LAMTOR2: variants seen among roughly 807,000 people sequenced by gnomAD.
LAMTOR2 encodes the protein late endosomal/lysosomal adaptor, MAPK and MTOR activator 2.
Under a neutral mutation model 15.8 loss-of-function variants are expected in LAMTOR2, and 4 were observed. The ratio of observed to expected loss-of-function variants is 0.25; its 90% CI spans 0.12 to 0.58. The LOEUF is 0.58. Among genes scored for constraint, LAMTOR2 ranks in the 20% least tolerant of loss-of-function variants. The pLI is 0.91. For synonymous variants in LAMTOR2, 62 were observed against 64.1 expected (o/e 0.97, Z 0.15); for missense variants, 100 against 161.0 (o/e 0.62, Z 2.05).
rs906584179 is a variant in LAMTOR2, at chr1:156,055,067, G to A, written c.68+110G>A. On this transcript the variant is annotated intron_variant, in intron 1 of 3. Transcript: ENST00000368305. This position sits in a 1 kb window ranked among gnomAD's most constrained non-coding sequence, Gnocchi z 4.8. ...CAGGAAGGGAGGAAGCGGCAGAGGG[G>A]GCAGCGGCTGGGGATACCGGCCGGG... 13 of 1,400,876 alleles carry A rather than the reference G, an allele frequency of 9.3e-6. No homozygotes were observed. The African/African-American group carries it at 1.6e-4, about 17-fold the overall frequency. The allele number at this position is 1,400,876 out of a possible 1,614,324, so 86.8% of individuals were successfully genotyped here.
chr1:156,056,346 G>A (rs1558094407), intron 2 of LAMTOR2, among the ~76,000 whole-genome samples: 1 of 152,180 alleles, frequency 6.6e-6, no homozygotes, highest in East Asian at 1.9e-4. Context: ...ATTAGGTATT[G>A]AAAATGCAAT....
At chr1:156,056,304 A>C (rs2102764556) in intron 2 of LAMTOR2, among the ~76,000 whole-genome samples, 1 of 152,294 alleles carries the variant, frequency 6.6e-6, no homozygotes, top group East Asian at 1.9e-4. Flanking sequence ...GCCTGGCCAC[A>C]TTTTTTAAAA....
At chr1:156,056,693 G>A (rs544468230) in intron 2 of LAMTOR2, among the ~76,000 whole-genome samples, 22 of 152,168 alleles carry the variant, frequency 1.4e-4, no homozygotes, top group Non-Finnish European at 3.1e-4. Flanking sequence ...ACTTACTTTT[G>A]TTTTTTTCAA....
At position 156,058,007 on chromosome 1, in the gene LAMTOR2, C is replaced by T. The variant is rs780508780; in HGVS notation, c.261C>T (p.Ala87=). Residue 87 remains alanine (A), a synonymous_variant, in exon 3 of 4, where the codon GCC becomes GCT. Coordinates refer to ENST00000368305, the MANE Select transcript of LAMTOR2 (RefSeq NM_014017.4). The stretch of plus-strand genomic sequence containing the variant: ...GCCGTGTAGCCATCACCCGAGTGGC[C>T]AACCTTCTGCTGTGTATGTATGCCA... ...MEGRVAITRV[A]NLLLCMYAKE... 1.9e-6 allele frequency: 3 copies of T among 1,614,136 alleles called. No individual in the cohort carries two copies. The East Asian group carries it at 6.7e-5, about 36-fold the overall frequency.
Position 156,054,846 on chromosome 1 carries a change from C to A in LAMTOR2, c.-44C>A. 6.2e-7 allele frequency: 1 copy of A among 1,602,582 alleles called. No individual in the cohort carries two copies. Among genetic ancestry groups the A allele is most frequent in the Non-Finnish European group, 8.5e-7 (1 of 1,172,496 alleles). On this transcript the variant is annotated 5_prime_UTR_variant, in exon 1 of 4. Coordinates refer to ENST00000368305, the MANE Select transcript of LAMTOR2 (RefSeq NM_014017.4). ...GCGGGCAGCGGCCCGCGGGAGGCACCTCGGAGATCTGGGTGCAAAAGCCCA... is the reference window on the plus strand; with the variant it reads ...GCGGGCAGCGGCCCGCGGGAGGCACATCGGAGATCTGGGTGCAAAAGCCCA...
chr1:156,055,056 G>C lies in LAMTOR2; in HGVS notation c.68+99G>C. ...GGAAGGATCACCAGGAAGGGAGGAA[G>C]CGGCAGAGGGGGCAGCGGCTGGGGA... On this transcript the variant is annotated intron_variant, in intron 1 of 3. Transcript: ENST00000368305. The surrounding 1 kb of genome is among the most constrained non-coding windows in gnomAD (Gnocchi z 4.8). 2 of 1,434,868 alleles carry C rather than the reference G, an allele frequency of 1.4e-6. No homozygotes were observed. The highest frequency in any genetic ancestry group is 2.4e-4 in the Middle Eastern group (1 of 4,198). The allele number at this position is 1,434,868 out of a possible 1,614,324, so 88.9% of individuals were successfully genotyped here.
Position 156,055,206 on chromosome 1 carries a change from C to T in LAMTOR2, c.69-57C>T. 1 of 1,606,404 alleles carries T rather than the reference C, an allele frequency of 6.2e-7. No individual in the cohort carries two copies. The highest frequency in any genetic ancestry group is 8.5e-7 in the Non-Finnish European group (1 of 1,176,836). On this transcript the variant is annotated intron_variant, in intron 1 of 3. Transcript: ENST00000368305. The surrounding 1 kb of genome is among the most constrained non-coding windows in gnomAD (Gnocchi z 4.8). ...CCTTGGTGGGACTTGGGATGGAAACCCAGACGTTTTACTCCCCGCTCTGAG... is the reference window on the plus strand; with the variant it reads ...CCTTGGTGGGACTTGGGATGGAAACTCAGACGTTTTACTCCCCGCTCTGAG...
At position 156,055,794 on chromosome 1, in the gene LAMTOR2, A is replaced by AC; in HGVS notation, c.231+370dup. 1 of 301,692 alleles carries AC rather than the reference A, an allele frequency of 3.3e-6. No individual in the cohort carries two copies. The highest frequency in any genetic ancestry group is 6.5e-6 in the Non-Finnish European group (1 of 153,966). The allele number at this position is 301,692 out of a possible 1,614,324, so 18.7% of individuals were successfully genotyped here. ...AGGTCAGATGAAATAATGGGTATAA[A>AC]CAGTAGAATGACGTGCAAACACAAA... On this transcript the variant is annotated intron_variant, in intron 2 of 3. Transcript: ENST00000368305. This position sits in a 1 kb window ranked among gnomAD's most constrained non-coding sequence, Gnocchi z 4.8.
Position 156,055,182 on chromosome 1 carries a change from C to G in LAMTOR2, c.69-81C>G. 6.3e-7 allele frequency: 1 copy of G among 1,579,024 alleles called. No homozygotes were observed. The highest frequency in any genetic ancestry group is 2.2e-5 in the East Asian group (1 of 44,678). The stretch of plus-strand genomic sequence containing the variant: ...AGGCCAGAGCCTTGCTGGATGTGCC[C>G]TTGGTGGGACTTGGGATGGAAACCC... On this transcript the variant is annotated intron_variant, in intron 1 of 3. Coordinates refer to ENST00000368305, the MANE Select transcript of LAMTOR2 (RefSeq NM_014017.4). The surrounding 1 kb of genome is among the most constrained non-coding windows in gnomAD (Gnocchi z 4.8).
At position 156,054,915 on chromosome 1, in the gene LAMTOR2, A is replaced by T; in HGVS notation, c.26A>T (p.Gln9Leu). Residue 9 changes from glutamine to leucine, a missense_variant, in exon 1 of 4, where the codon CAG (glutamine) becomes CTG (leucine). Gln to Leu is a moderately radical substitution (Grantham distance 113, BLOSUM62 -2). Transcript: ENST00000368305. MLRPKALT[Q>L]VLSQANTGGV... is the part of the protein sequence containing the mutation. ...ATGCTGCGCCCCAAGGCTTTGACCC[A>T]GGTGCTAAGCCAAGCCAACACTGGA... is the stretch of plus-strand genomic sequence containing the variant. 1 of 1,613,034 alleles carries T rather than the reference A, an allele frequency of 6.2e-7. No homozygotes were observed. The highest frequency in any genetic ancestry group is 8.5e-7 in the Non-Finnish European group (1 of 1,179,842).
chr1:156,054,954 C>T lies in LAMTOR2; in HGVS notation c.65C>T (p.Thr22Ile), dbSNP rs751699653. Residue 22 changes from threonine to isoleucine, a missense_variant, in exon 1 of 4, where the codon ACC becomes ATC. Coordinates refer to ENST00000368305, the MANE Select transcript of LAMTOR2 (RefSeq NM_014017.4). ...GCCAACACTGGAGGCGTCCAGAGCA[C>T]CCTGTGAGTGCAGACCACGGACCCG... Reference protein sequence around the residue: ...SQANTGGVQSTLLLNNEGSLL... With the variant: ...SQANTGGVQSILLLNNEGSLL... 3 of 1,612,032 alleles carry T rather than the reference C, an allele frequency of 1.9e-6. No individual in the cohort carries two copies. Among genetic ancestry groups the T allele is most frequent in the Non-Finnish European group, 1.7e-6 (2 of 1,179,582 alleles).
chr1:156,056,227 T>C (rs1647361329), intron 2 of LAMTOR2, among the ~76,000 whole-genome samples: 1 of 152,096 alleles, frequency 6.6e-6, no homozygotes, highest in South Asian at 2.1e-4. Flanking sequence ...GGTCTCAAAC[T>C]CCTGGCTCAA....
In LAMTOR2 at chr1:156,058,452, A is replaced by C. The variant is rs538118059; in HGVS notation, c.*81A>C. On this transcript the variant is annotated 3_prime_UTR_variant, in exon 4 of 4. Transcript: ENST00000368305. The stretch of plus-strand genomic sequence containing the variant: ...GCCTCCTAGAAGAACCTTCTTAGAC[A>C]ATGGGGGGAGGATGGGACTTTGTTT... 11 of 1,441,844 alleles carry C rather than the reference A, an allele frequency of 7.6e-6. No individual in the cohort carries two copies. In the African/African-American group the frequency reaches 1.3e-4, roughly 17 times the overall value. 89.3% of individuals were successfully genotyped at this position (1,441,844 alleles called of 1,614,324 possible).
At position 156,058,418 on chromosome 1, in the gene LAMTOR2, AG is replaced by A; in HGVS notation, c.*51del. On this transcript the variant is annotated 3_prime_UTR_variant, in exon 4 of 4. Transcript: ENST00000368305. Reference sequence around the variant, plus strand: ...TCAGAAAAGAGAAATGACCATTTGGAGGGGCGGGGCCTCCTAGAAGAACCTT... The same window carrying A: ...TCAGAAAAGAGAAATGACCATTTGGAGGGCGGGGCCTCCTAGAAGAACCTT... 2 of 1,605,258 alleles carry A rather than the reference AG, an allele frequency of 1.2e-6. No homozygotes were observed. The highest frequency in any genetic ancestry group is 8.5e-7 in the Non-Finnish European group (1 of 1,172,196).
In LAMTOR2 at chr1:156,055,980, G is replaced by T. The variant is rs1647353741; in HGVS notation, c.231+555G>T. The T allele has an allele frequency of 6.0e-6, 1 of 165,944 alleles. No individual in the cohort carries two copies. The highest frequency in any genetic ancestry group is 5.6e-5 in the Admixed American group (1 of 18,008). The allele number at this position is 165,944 out of a possible 1,614,324, so 10.3% of individuals were successfully genotyped here. On this transcript the variant is annotated intron_variant, in intron 2 of 3. Transcript: ENST00000368305. The surrounding 1 kb of genome is among the most constrained non-coding windows in gnomAD (Gnocchi z 4.8). ...ATCTGTTCGGTCGACAAGTATTTAGGTCCTTGCAGTATTCTCAGGACTAGG... is the reference window on the plus strand; with the variant it reads ...ATCTGTTCGGTCGACAAGTATTTAGTTCCTTGCAGTATTCTCAGGACTAGG...
rs761480716 is a variant in LAMTOR2, at chr1:156,055,239, C to G, written c.69-24C>G. On this transcript the variant is annotated intron_variant, in intron 1 of 3. Coordinates refer to ENST00000368305, the MANE Select transcript of LAMTOR2 (RefSeq NM_014017.4). This position sits in a 1 kb window ranked among gnomAD's most constrained non-coding sequence, Gnocchi z 4.8. Reference sequence around the variant, plus strand: ...TTTACTCCCCGCTCTGAGCACATCGCTATCCCTCCCCGCCCCTCACCAGGC... The same window carrying G: ...TTTACTCCCCGCTCTGAGCACATCGGTATCCCTCCCCGCCCCTCACCAGGC... 3 of 1,612,984 alleles carry G rather than the reference C, an allele frequency of 1.9e-6. No homozygotes were observed. Among genetic ancestry groups the G allele is most frequent in the Non-Finnish European group, 2.5e-6 (3 of 1,179,932 alleles).
intron 2 of LAMTOR2, among the ~76,000 whole-genome samples, chr1:156,056,745 A>G (rs934368491): frequency 1.3e-5 from 2 of 152,128 alleles, no homozygotes; most frequent in African/African-American, 4.8e-5. Flanking sequence ...TCTTCATTGT[A>G]ACTCAACTGC....
rs763722302 is a variant in LAMTOR2 at position 156,058,457 on chromosome 1, G to C, written c.*86G>C. The stretch of plus-strand genomic sequence containing the variant: ...CTAGAAGAACCTTCTTAGACAATGG[G>C]GGGAGGATGGGACTTTGTTTTTTCC... On this transcript the variant is annotated 3_prime_UTR_variant, in exon 4 of 4. Coordinates refer to ENST00000368305, the MANE Select transcript of LAMTOR2 (RefSeq NM_014017.4). 2.2e-6 allele frequency: 3 copies of C among 1,392,926 alleles called. No individual in the cohort carries two copies. Among genetic ancestry groups the C allele is most frequent in the African/African-American group, 1.4e-5 (1 of 70,380 alleles). The allele number at this position is 1,392,926 out of a possible 1,614,324, so 86.3% of individuals were successfully genotyped here. A position where few individuals can be genotyped will look rare whatever the true frequency, so the allele number is the denominator to read the frequency against.
In LAMTOR2 at chr1:156,055,236, T is replaced by A; in HGVS notation, c.69-27T>A. ...CGTTTTACTCCCCGCTCTGAGCACA[T>A]CGCTATCCCTCCCCGCCCCTCACCA... On this transcript the variant is annotated intron_variant, in intron 1 of 3. Coordinates refer to ENST00000368305, the MANE Select transcript of LAMTOR2 (RefSeq NM_014017.4). The surrounding 1 kb of genome is among the most constrained non-coding windows in gnomAD (Gnocchi z 4.8). The A allele has an allele frequency of 6.2e-7, 1 of 1,612,730 alleles. No individual in the cohort carries two copies. Among genetic ancestry groups the A allele is most frequent in the East Asian group, 2.2e-5 (1 of 44,878 alleles).
Sources: allele counts gnomAD v4.1 joint callset (sites outside exome capture counted in the v4.1 genomes callset), GRCh38; gene constraint gnomAD v4.1.1; non-coding constraint Gnocchi (gnomAD v3.1); transcripts MANE v1.5; gene names NCBI Gene and HGNC (gene_info 2026-07-23, HGNC 2026-07-21).